Variants in ANK3 observed in about 807,000 individuals in gnomAD.
ANK3 encodes ankyrin 3.
ANK3 carries 57 observed loss-of-function variants against 370.9 expected under a neutral mutation model. The ratio of observed to expected loss-of-function variants is 0.15; its 90% CI spans 0.12 to 0.19. ANK3 has a LOEUF of 0.19. Ranked by LOEUF, ANK3 falls within the 10% of genes least tolerant of loss-of-function variation. ANK3 has a pLI of 1.00. For missense variants in ANK3, 4,439 were observed against 5,302.1 expected, an observed-to-expected ratio of 0.84 and a Z score of 5.06; for synonymous variants, 1,929 against 1,946.3, an observed-to-expected ratio of 0.99 and a Z score of 0.23.
At chr10:60,418,955 T>C (rs907090153) in intron 2 of ANK3, among the ~76,000 whole-genome samples, 3 of 152,208 alleles carry the variant, frequency 2.0e-5, no homozygotes, top group Non-Finnish European at 1.5e-5. Context: ...GTTAGAGTTG[T>C]ATTTGTAATA....
At chr10:60,318,169 C>T (rs1014919222) in intron 1 of ANK3, among the ~76,000 whole-genome samples, 9 of 152,028 alleles carry the variant, frequency 5.9e-5, no homozygotes, top group African/African-American at 2.2e-4. Flanking sequence ...AAATGTGTGC[C>T]ATGGTGGTTT....
intron 23 of ANK3, among the ~76,000 whole-genome samples, chr10:60,164,876 A>C (rs1280827673): frequency 6.6e-6 from 1 of 152,248 alleles, no homozygotes; most frequent in Non-Finnish European, 1.5e-5. Flanking sequence ...TGATTCCAAT[A>C]GCCCTGGACA....
intron 1 of ANK3, chr10:60,685,317 C>G (rs2079253418): frequency 5.1e-6 from 1 of 197,838 alleles, no homozygotes; most frequent in Non-Finnish European, 1.1e-5. Flanking sequence ...TTTGGGGAAG[C>G]CAAGCAAGGA....
intron 28 of ANK3, among the ~76,000 whole-genome samples, chr10:60,089,467 G>C (rs1455007943): frequency 8.1e-4 from 15 of 18,550 alleles, no homozygotes; most frequent in Non-Finnish European, 3.6e-4. Context: ...GGTTGTGTGT[G>C]TGTGTGTGTG....
intron 2 of ANK3, among the ~76,000 whole-genome samples, chr10:60,398,849 G>A (rs2063296955): frequency 6.6e-6 from 1 of 152,144 alleles, no homozygotes; most frequent in African/African-American, 2.4e-5. Context: ...TAAACACAAT[G>A]CCCTGTATGC....
At chr10:60,571,924 AT>A (rs2077609283) in intron 2 of ANK3, among the ~76,000 whole-genome samples, 1 of 152,202 alleles carries the variant, frequency 6.6e-6, no homozygotes, top group Non-Finnish European at 1.5e-5. Flanking sequence ...AACTGGGTAT[AT>A]GGCTGTATGA....
intron 41 of ANK3, among the ~76,000 whole-genome samples, chr10:60,058,598 G>A (rs141347570): frequency 1.4e-4 from 21 of 152,208 alleles, no homozygotes; most frequent in South Asian, 8.3e-4. Flanking sequence ...AAAATCATGC[G>A]TAGAAGAAAA....
At position 60,072,557 on chromosome 10, in the gene ANK3, T is replaced by C. The variant is rs763275569; in HGVS notation, c.8324A>G (p.Asp2775Gly). ...ATCTTTTTGCACAGATACACTTTCA[T>C]CTGGGAGGTCTATGGCCTTCTGCTG... is the stretch of plus-strand genomic sequence containing the variant. ...EKQQKAIDLP[D>G]ESVSVQKDFM... The change falls in exon 37 of 44, where the codon GAT becomes GGT. Residue 2775 changes from aspartate (D) to glycine (G), a missense_variant. Physicochemically the swap from Asp to Gly is moderately conservative, Grantham distance 94. This residue lies in a region of ANK3 where 1,601 missense variants were observed against 1,731.7 expected (regional missense o/e 0.92). Coordinates refer to ENST00000280772, the MANE Select transcript of ANK3 (RefSeq NM_020987.5). The C allele has an allele frequency of 2.5e-6, 4 of 1,613,516 alleles. No individual in the cohort carries two copies. The highest frequency in any genetic ancestry group is 4.5e-5 in the East Asian group (2 of 44,888).
At chr10:60,643,500 ATATCTATC>A (rs61461746) in intron 1 of ANK3, among the ~76,000 whole-genome samples, 4,154 of 146,754 alleles carry the variant, frequency 0.028, 101 homozygotes, top group East Asian at 0.093. Flanking sequence ...ACTCCCCTTT[ATATCTATC>A]TATCTATCTA....
intron 16 of ANK3, among the ~76,000 whole-genome samples, chr10:60,193,290 T>C (rs778298771): frequency 6.6e-6 from 1 of 152,028 alleles, no homozygotes; most frequent in Non-Finnish European, 1.5e-5. Flanking sequence ...TAGAGAACTA[T>C]GAATACTAAG....
chr10:60,240,263 C>CAT (rs1240833922), intron 7 of ANK3, among the ~76,000 whole-genome samples: 27 of 131,190 alleles, frequency 2.1e-4, no homozygotes, highest in Non-Finnish European at 3.6e-4. Context: ...TACATATACA[C>CAT]ATATATATAC....
chr10:60,581,270 A>AGCAG (rs2077747021), intron 2 of ANK3, among the ~76,000 whole-genome samples: 1 of 152,202 alleles, frequency 6.6e-6, no homozygotes, highest in Non-Finnish European at 1.5e-5. Context: ...TAGAAACCTC[A>AGCAG]GCAGGCCATT....
intron 23 of ANK3, chr10:60,140,239 G>T: frequency 1.8e-6 from 2 of 1,137,394 alleles, no homozygotes; most frequent in Non-Finnish European, 2.7e-6. Flanking sequence ...TTCTACTGCT[G>T]CTACCCAGTA....
At chr10:60,340,791 C>A (rs1037016423) in intron 1 of ANK3, among the ~76,000 whole-genome samples, 1 of 152,146 alleles carries the variant, frequency 6.6e-6, no homozygotes, top group Non-Finnish European at 1.5e-5. Context: ...CAACGCTGAG[C>A]AGCCAGCATC....
intron 1 of ANK3, among the ~76,000 whole-genome samples, chr10:60,665,754 C>G (rs1026534454): frequency 6.6e-6 from 1 of 152,168 alleles, no homozygotes; most frequent in Non-Finnish European, 1.5e-5. Context: ...AATAAAATAG[C>G]AGTTCTCAAC....
At chr10:60,335,013 T>G (rs1461494260) in intron 1 of ANK3, among the ~76,000 whole-genome samples, 1 of 152,136 alleles carries the variant, frequency 6.6e-6, no homozygotes, top group African/African-American at 2.4e-5. Context: ...TTAGGCTAGT[T>G]TCAAGGAGAC....
intron 2 of ANK3, among the ~76,000 whole-genome samples, chr10:60,433,006 C>A (rs2064067361): frequency 6.6e-6 from 1 of 152,164 alleles, no homozygotes; most frequent in Non-Finnish European, 1.5e-5. Flanking sequence ...CCCTTTGAGA[C>A]CAAGACAGTG....
chr10:60,075,106 C>T lies in ANK3; in HGVS notation c.5775G>A (p.Glu1925=). 1 of 1,613,502 alleles carries T rather than the reference C, an allele frequency of 6.2e-7. No individual in the cohort carries two copies. Among genetic ancestry groups the T allele is most frequent in the Non-Finnish European group, 8.5e-7 (1 of 1,179,470 alleles). The change falls in exon 37 of 44, where the codon GAG becomes GAA. Residue 1925 remains glutamate (E), a synonymous_variant. Coordinates refer to ENST00000280772, the MANE Select transcript of ANK3 (RefSeq NM_020987.5). The part of the protein sequence containing the change: ...MTAILQTDVP[E]EKPFQPELPK... ...GGAGTTCAGGTTGGAATGGCTTCTC[C>T]TCAGGCACATCTGTCTGTAGTATTG...
chr10:60,080,000 A>T, intron 36 of ANK3, among the ~76,000 whole-genome samples: 1 of 152,086 alleles, frequency 6.6e-6, no homozygotes, highest in East Asian at 1.9e-4. Context: ...GGACAGGAGG[A>T]GAGGAAGTGA....
Sources: allele counts gnomAD v4.1 joint callset (sites outside exome capture counted in the v4.1 genomes callset), GRCh38; gene constraint gnomAD v4.1.1; regional missense constraint gnomAD v4.1.1; transcripts MANE v1.5; gene names NCBI Gene and HGNC (gene_info 2026-07-23, HGNC 2026-07-21).